DPH6: variants seen among roughly 807,000 people sequenced by gnomAD.
DPH6 encodes diphthamine biosynthesis 6, also known as diphthine--ammonia ligase.
Under a neutral mutation model 38.2 loss-of-function variants are expected in DPH6, and 33 were observed. That is an observed-to-expected ratio of 0.86 (90% CI 0.65 to 1.15). The LOEUF (loss-of-function observed/expected upper bound fraction) is 1.15, where lower values mean the gene tolerates loss of function less well. DPH6 is among the 50% of genes most tolerant of loss of function. The pLI is 0.00. For missense variants in DPH6, 325 were observed against 320.0 expected, an observed-to-expected ratio of 1.02 and a Z score of -0.12; for synonymous variants, 108 against 103.0, an observed-to-expected ratio of 1.05 and a Z score of -0.30.
At chr15:35,420,603 G>A (rs1475546937) in intron 5 of DPH6, among the ~76,000 whole-genome samples, 1 of 152,044 alleles carries the variant, frequency 6.6e-6, no homozygotes, top group Non-Finnish European at 1.5e-5. Context: ...TGCAACCTCC[G>A]CCTCCTGGGA....
At position 35,360,427 on chromosome 15, in the gene DPH6, G is replaced by T. The variant is rs1240501315; in HGVS notation, n.207+13094C>A. On this transcript the variant is annotated intron_variant and non_coding_transcript_variant, in intron 3 of 3. Transcript: ENST00000558973. ...CTGCAGATGGCAGGCCCATTAGCAG[G>T]GTCTTAATAGGCATGGCTCCTACTA... Among the ~76,000 whole-genome samples, 5 of 152,132 alleles carry T rather than the reference G, an allele frequency of 3.3e-5. No individual in the cohort carries two copies. In the East Asian group the frequency reaches 5.8e-4, roughly 18 times the overall value.
At chr15:35,237,474 C>G in intron 3 of DPH6, 5 of 1,584,956 alleles carry the variant, frequency 3.2e-6, no homozygotes, top group Non-Finnish European at 4.3e-6. Context: ...TTCAGTGCAA[C>G]CAACGTAGGC....
At chr15:35,414,873 G>A (rs1566901370) in intron 5 of DPH6, among the ~76,000 whole-genome samples, 1 of 150,760 alleles carries the variant, frequency 6.6e-6, no homozygotes, top group Non-Finnish European at 1.5e-5. Context: ...TTTCATTCCA[G>A]GCAATTTATT....
intron 3 of DPH6, among the ~76,000 whole-genome samples, chr15:35,249,423 T>C (rs891473623): frequency 6.6e-6 from 1 of 152,192 alleles, no homozygotes; most frequent in Non-Finnish European, 1.5e-5. Flanking sequence ...ATAAAGTCCT[T>C]TTCTAAAAAT....
At chr15:35,232,938 G>T (rs758412702) in intron 3 of DPH6, among the ~76,000 whole-genome samples, 1 of 149,212 alleles carries the variant, frequency 6.7e-6, no homozygotes, top group African/African-American at 2.4e-5. Flanking sequence ...ATACTAAAAA[G>T]AATCTAGATA....
intron 5 of DPH6, among the ~76,000 whole-genome samples, chr15:35,448,670 G>A (rs2053888278): frequency 1.3e-5 from 2 of 151,876 alleles, no homozygotes; most frequent in Non-Finnish European, 2.9e-5. Context: ...ATTAAATTGT[G>A]GTGTTAATTA....
At chr15:35,417,614 T>C (rs777423373) in intron 5 of DPH6, among the ~76,000 whole-genome samples, 1 of 152,094 alleles carries the variant, frequency 6.6e-6, no homozygotes, top group Non-Finnish European at 1.5e-5. Context: ...CTTACGTTTC[T>C]AAGCACAACT....
At chr15:35,185,696 GT>G in the DPH6 span, among the ~76,000 whole-genome samples, 1 of 146,000 alleles carries the variant, frequency 6.8e-6, no homozygotes, top group East Asian at 2.0e-4. Context: ...ACTGGACAAA[GT>G]CATAAACATC....
chr15:35,545,924 G>A (rs2055343833), intron 1 of DPH6, among the ~76,000 whole-genome samples, 195 bp downstream of exon 1: 1 of 152,206 alleles, frequency 6.6e-6, no homozygotes, highest in Non-Finnish European at 1.5e-5. Context: ...ACAGGGAGGA[G>A]GCGCGCCAGC....
intron 3 of DPH6, among the ~76,000 whole-genome samples, chr15:35,230,109 G>A (rs75660815): frequency 0.011 from 1,680 of 152,298 alleles, 37 homozygotes; most frequent in African/African-American, 0.038. Flanking sequence ...CTTCAGGGTG[G>A]CGAGTTCCCC....
intron 3 of DPH6, among the ~76,000 whole-genome samples, chr15:35,503,012 G>A (rs930824461): frequency 1.3e-5 from 2 of 150,294 alleles, no homozygotes; most frequent in Non-Finnish European, 1.5e-5. Flanking sequence ...CCATCATAAA[G>A]TGACTGCATC....
Position 35,353,680 on chromosome 15 carries a change from T to C in DPH6, n.207+19841A>G, listed in dbSNP as rs186143108. ...CAGTAGCATGCTGTTTTGGTTACTG[T>C]AGCCTTGTAGTATAGTTTGAAGTCA... On this transcript the variant is annotated intron_variant and non_coding_transcript_variant, in intron 3 of 3. Coordinates refer to the DPH6 transcript ENST00000558973. Among the ~76,000 whole-genome samples the C allele has an allele frequency of 3.4e-3, 520 of 152,348 alleles. 9 individuals carry two copies. Among genetic ancestry groups the C allele is most frequent in the Admixed American group, 0.026 (395 of 15,306 alleles).
intron 3 of DPH6, among the ~76,000 whole-genome samples, chr15:35,349,967 T>G (rs1352144540): frequency 6.6e-6 from 1 of 152,294 alleles, no homozygotes; most frequent in Middle Eastern, 3.4e-3. Context: ...AATGCTGGAC[T>G]TCTGAAATGA....
intron 3 of DPH6, among the ~76,000 whole-genome samples, chr15:35,272,717 T>C (rs902387051): frequency 1.3e-5 from 2 of 152,088 alleles, no homozygotes; most frequent in Admixed American, 1.3e-4. Context: ...AAGACCAGCC[T>C]GGCCAACATG....
chr15:35,384,924 G>GA (rs564890473), intron 6 of DPH6, among the ~76,000 whole-genome samples: 131 of 151,158 alleles, frequency 8.7e-4, no homozygotes, highest in Admixed American at 2.2e-3. Context: ...AAATTTACAA[G>GA]AAAAAAAACA....
chr15:35,413,471 G>A (rs934027546), intron 5 of DPH6, among the ~76,000 whole-genome samples: 3 of 151,408 alleles, frequency 2.0e-5, no homozygotes, highest in Admixed American at 6.6e-5. Flanking sequence ...GTTGTTATAT[G>A]TGCACAAACT....
At chr15:35,378,357 G>T (rs1185288229) in intron 7 of DPH6, among the ~76,000 whole-genome samples, 1 of 152,172 alleles carries the variant, frequency 6.6e-6, no homozygotes, top group Non-Finnish European at 1.5e-5. Context: ...GGAGAAACAG[G>T]AACAATTTTA....
chr15:35,452,474 G>A (rs889889517), intron 4 of DPH6, among the ~76,000 whole-genome samples: 2 of 97,656 alleles, frequency 2.0e-5, no homozygotes, highest in Non-Finnish European at 4.6e-5. Flanking sequence ...CGACTTCTCT[G>A]GCCTATATTG....
At chr15:35,224,795 T>A (rs1013607896) in intron 3 of DPH6, among the ~76,000 whole-genome samples, 1 of 152,336 alleles carries the variant, frequency 6.6e-6, no homozygotes, top group African/African-American at 2.4e-5. Context: ...AATAGATTTT[T>A]AAGGACACTT....
Sources: gnomAD v4.1 joint callset for allele counts (sites outside exome capture counted in the v4.1 genomes callset) on GRCh38, gnomAD v4.1.1 for gene constraint, MANE v1.5 for transcripts, NCBI Gene and HGNC (gene_info 2026-07-23, HGNC 2026-07-21) for gene names.